Variants in KCNH2 observed in about 807,000 individuals in gnomAD.
The protein encoded by KCNH2 is voltage-gated inwardly rectifying potassium channel KCNH2.
Under a neutral mutation model 95.9 loss-of-function variants are expected in KCNH2, and 35 were observed. That is an observed-to-expected ratio of 0.37 (90% CI 0.28 to 0.48). The LOEUF (loss-of-function observed/expected upper bound fraction) is 0.48. Ranked by LOEUF, KCNH2 falls within the 20% of genes least tolerant of loss-of-function variation. The pLI, the probability that KCNH2 is intolerant of heterozygous loss-of-function variation, is 0.99. For synonymous variants in KCNH2, 786 were observed against 754.7 expected, an observed-to-expected ratio of 1.04 and a Z score of -0.68; for missense variants, 1,274 against 1,702.9, an observed-to-expected ratio of 0.75 and a Z score of 4.43.
Position 150,947,346 on chromosome 7 carries a change from A to G in KCNH2, c.3134T>C (p.Leu1045Pro). ...RGDVESRLDA[L>P]QRQLNRLETR... is the part of the protein sequence containing the mutation. ...CCCTCACCTGTTGAGCTGGCGCTGG[A>G]GGGCATCCAGCCTGCTCTCCACGTC... The change falls in exon 13 of 15, where the codon CTC becomes CCC. Residue 1045 changes from leucine to proline, a missense_variant. Transcript: ENST00000262186. 6.5e-7 allele frequency: 1 copy of G among 1,542,888 alleles called. No homozygotes were observed. The highest frequency in any genetic ancestry group is 8.7e-7 in the Non-Finnish European group (1 of 1,146,580).
At position 150,945,145 on chromosome 7, in the gene KCNH2, G is replaced by A; in HGVS notation, c.*220C>T. ...AGCTAATGCCCTCAGGGCAGTGGGGGGACCACAGGCCCCACCTACTGCCGG... is the reference window on the plus strand; with the variant it reads ...AGCTAATGCCCTCAGGGCAGTGGGGAGACCACAGGCCCCACCTACTGCCGG... On this transcript the variant is annotated 3_prime_UTR_variant, in exon 15 of 15. Transcript: ENST00000262186. This position sits in a 1 kb window ranked among gnomAD's most constrained non-coding sequence, Gnocchi z 5.6. 1.7e-6 allele frequency: 1 copy of A among 595,262 alleles called. No individual in the cohort carries two copies. The allele number at this position is 595,262 out of a possible 1,614,324, so 36.9% of individuals were successfully genotyped here. A position where few individuals can be genotyped will look rare whatever the true frequency, so the allele number is the denominator to read the frequency against.
chr7:150,947,797 C>T lies in KCNH2; in HGVS notation c.2774G>A (p.Gly925Glu), dbSNP rs794728398. 9.8e-6 allele frequency: 15 copies of T among 1,532,872 alleles called. No individual in the cohort carries two copies. The highest frequency in any genetic ancestry group is 2.5e-5 in the East Asian group (1 of 40,800). 95.0% of individuals were successfully genotyped at this position (1,532,872 alleles called of 1,614,324 possible). The change falls in exon 12 of 15, where the codon GGG becomes GAG. Residue 925 changes from glycine (G) to glutamate (E), a missense_variant. Coordinates refer to ENST00000262186, the MANE Select transcript of KCNH2 (RefSeq NM_000238.4). ...AGPSSRGRPG[G>E]PWGESPSSGP... Reference sequence around the variant, plus strand: ...ACTGGACGGGCTCTCCCCCCACGGCCCCCCCGGCCGGCCCCGGCTACTCGG... The same window carrying T: ...ACTGGACGGGCTCTCCCCCCACGGCTCCCCCGGCCGGCCCCGGCTACTCGG...
chr7:150,948,419 C>CCCCAACCA, intron 11 of KCNH2, 25 bp downstream of exon 11: 1 of 1,297,842 alleles, frequency 7.7e-7, no homozygotes, highest in Non-Finnish European at 1.1e-6. Flanking sequence ...CCCGCCCTCC[C>CCCCAACCA]CCTTCCTCCC....
At chr7:150,968,252 C>G (rs573882285) in intron 2 of KCNH2, among the ~76,000 whole-genome samples, 1 of 152,160 alleles carries the variant, frequency 6.6e-6, no homozygotes, top group Non-Finnish European at 1.5e-5. Context: ...CACTCCCGGG[C>G]GTGTATCCCA....
At chr7:150,976,427 A>C (rs1312702165) in intron 1 of KCNH2, among the ~76,000 whole-genome samples, 1 of 152,120 alleles carries the variant, frequency 6.6e-6, no homozygotes, top group Non-Finnish European at 1.5e-5. Flanking sequence ...TCACCTGAAA[A>C]GACCCCCTAA....
intron 2 of KCNH2, among the ~76,000 whole-genome samples, chr7:150,965,076 G>A (rs1028407483): frequency 1.3e-5 from 2 of 151,958 alleles, no homozygotes; most frequent in South Asian, 2.1e-4. Flanking sequence ...GCGCGTGTGT[G>A]TGTGTGTGCT....
chr7:150,950,979 C>A lies in KCNH2; in HGVS notation c.2087G>T (p.Arg696Leu). Residue 696 changes from arginine (R) to leucine (L), a missense_variant, in exon 8 of 15, where the codon CGC becomes CTC. Physicochemically the swap from Arg to Leu is moderately radical, Grantham distance 102. Transcript: ENST00000262186. ...FHQIPNPLRQ[R>L]LEEYFQHAWS... ...GGCGTGCTGGAAGTACTCCTCGAGGCGCTGGCGCAGGGGATTGGGGATCTG... is the reference window on the plus strand; with the variant it reads ...GGCGTGCTGGAAGTACTCCTCGAGGAGCTGGCGCAGGGGATTGGGGATCTG... 1.2e-6 allele frequency: 2 copies of A among 1,614,238 alleles called. No homozygotes were observed. The highest frequency in any genetic ancestry group is 1.7e-6 in the Non-Finnish European group (2 of 1,180,040).
Position 150,952,590 on chromosome 7 carries a change from A to G in KCNH2, c.1392T>C (p.Ile464=), listed in dbSNP as rs1801219615. Reference sequence around the variant, plus strand: ...TGCGGAAGTTGATGAGGATGTCCACAATGAACATGATGTCCACGATGAGGT... The same window carrying G: ...TGCGGAAGTTGATGAGGATGTCCACGATGAACATGATGTCCACGATGAGGT... ...VVDLIVDIMF[I]VDILINFRTT... is the part of the protein sequence containing the mutation. The change falls in exon 6 of 15, where the codon ATT becomes ATC. Residue 464 remains isoleucine, a synonymous_variant. Transcript: ENST00000262186. This position sits in a 1 kb window ranked among gnomAD's most constrained non-coding sequence, Gnocchi z 7.3. The G allele has an allele frequency of 3.1e-6, 5 of 1,614,170 alleles. No homozygotes were observed. In the East Asian group the frequency reaches 1.1e-4, roughly 36 times the overall value.
intron 5 of KCNH2, among the ~76,000 whole-genome samples, chr7:150,954,637 G>A (rs1166271306): frequency 2.0e-5 from 3 of 152,228 alleles, no homozygotes; most frequent in Non-Finnish European, 2.9e-5. Flanking sequence ...AGACCTACCT[G>A]TACCTGTCCC....
Position 150,952,940 on chromosome 7 carries a change from A to C in KCNH2, c.1129-87T>G. ...GATGACATCTCTGCCGGGGCCAAGC[A>C]GAATGAGGAGGAGGCCAAAAAAAGC... On this transcript the variant is annotated intron_variant, in intron 5 of 14. Coordinates refer to ENST00000262186, the MANE Select transcript of KCNH2 (RefSeq NM_000238.4). This position sits in a 1 kb window ranked among gnomAD's most constrained non-coding sequence, Gnocchi z 7.3. 1.5e-6 allele frequency: 2 copies of C among 1,334,702 alleles called. No homozygotes were observed. The highest frequency in any genetic ancestry group is 1.2e-5 in the South Asian group (1 of 80,268). The allele number at this position is 1,334,702 out of a possible 1,614,324, so 82.7% of individuals were successfully genotyped here. A position where few individuals can be genotyped will look rare whatever the true frequency, so the allele number is the denominator to read the frequency against.
chr7:150,963,601 A>T (rs1372393785), intron 2 of KCNH2, among the ~76,000 whole-genome samples: 1 of 11,514 alleles, frequency 8.7e-5, no homozygotes, highest in African/African-American at 3.7e-4. Flanking sequence ...CCCCGACCCC[A>T]CTCCCACCCC....
intron 2 of KCNH2, among the ~76,000 whole-genome samples, chr7:150,973,904 G>A (rs3778870): frequency 0.061 from 9,364 of 152,284 alleles, 302 homozygotes; most frequent in East Asian, 0.1. Flanking sequence ...GTTTGCACGC[G>A]TTCCAGAGCC....
chr7:150,962,579 C>T lies in KCNH2; in HGVS notation c.308-2843G>A, dbSNP rs1490042507. Among the ~76,000 whole-genome samples, 4 of 151,402 alleles carry T rather than the reference C, an allele frequency of 2.6e-5. No individual in the cohort carries two copies. Among genetic ancestry groups the T allele is most frequent in the Non-Finnish European group, 5.9e-5 (4 of 67,884 alleles). On this transcript the variant is annotated intron_variant, in intron 2 of 14. Coordinates refer to ENST00000262186, the MANE Select transcript of KCNH2 (RefSeq NM_000238.4). This position sits in a 1 kb window ranked among gnomAD's most constrained non-coding sequence, Gnocchi z 5.7. Reference sequence around the variant, plus strand: ...TCGCAGAAACTCTAGGTATACGCCACCTCACAGCACAAGCCTGTAACTCAC... The same window carrying T: ...TCGCAGAAACTCTAGGTATACGCCATCTCACAGCACAAGCCTGTAACTCAC...
rs1325203136 is a variant in KCNH2, at chr7:150,947,611, A to G, written c.2960T>C (p.Leu987Pro). 1 of 1,612,666 alleles carries G rather than the reference A, an allele frequency of 6.2e-7. No homozygotes were observed. The highest frequency in any genetic ancestry group is 1.1e-5 in the South Asian group (1 of 90,820). ...CEKSSDTCNP[L>P]SGAFSGVSNI... ...CCGCCCGTCGCCCGGGATACCTGAC[A>G]GGGGGTTGCAAGTGTCGCTGCTCTT... The change falls in exon 12 of 15, where the codon CTG becomes CCG. Residue 987 changes from leucine (L) to proline (P), a missense_variant. This residue lies in a region of KCNH2 where 457 missense variants were observed against 416.1 expected (regional missense o/e 1.10). Transcript: ENST00000262186.
intron 5 of KCNH2, among the ~76,000 whole-genome samples, chr7:150,956,644 G>A (rs559743876): frequency 6.6e-6 from 1 of 152,244 alleles, no homozygotes; most frequent in African/African-American, 2.4e-5. Flanking sequence ...AGGCTGAGGG[G>A]TCTTCTCTGG....
At chr7:150,973,756 C>T (rs2056653722) in intron 2 of KCNH2, among the ~76,000 whole-genome samples, 1 of 152,198 alleles carries the variant, frequency 6.6e-6, no homozygotes, top group Non-Finnish European at 1.5e-5. Context: ...GAAAGCAGAG[C>T]GTGCTCACTG....
Position 150,957,446 on chromosome 7 carries a change from C to T in KCNH2, c.973G>A (p.Val325Met), listed in dbSNP as rs149381387. 1.2e-6 allele frequency: 2 copies of T among 1,614,188 alleles called. No individual in the cohort carries two copies. Among genetic ancestry groups the T allele is most frequent in the South Asian group, 1.1e-5 (1 of 91,086 alleles). ...ATCTTGCTAATGGTGCGGTAGCGCA[C>T]GAGGTCGGAGTCCGAGGTGGAGTTG... ...LLNSTSDSDL[V>M]RYRTISKIPQ... is the part of the protein sequence containing the mutation. Residue 325 changes from valine (V) to methionine (M), a missense_variant, in exon 5 of 15, where the codon GTG becomes ATG. By Grantham distance (21) the Val-to-Met change is conservative (BLOSUM62 1). Transcript: ENST00000262186.
rs905755346 is a variant in KCNH2, at chr7:150,955,785, G to A, written c.1128+1506C>T. 15 of 1,188,996 alleles carry A rather than the reference G, an allele frequency of 1.3e-5. No individual in the cohort carries two copies. In the African/African-American group the frequency reaches 2.4e-4, roughly 19 times the overall value. The allele number at this position is 1,188,996 out of a possible 1,614,324, so 73.7% of individuals were successfully genotyped here. ...GGTGCCGTGCTCTGCCCGCCCGCCAGCCCAGCAGCGGCCGCACTCGGAACC... is the reference window on the plus strand; with the variant it reads ...GGTGCCGTGCTCTGCCCGCCCGCCAACCCAGCAGCGGCCGCACTCGGAACC... On this transcript the variant is annotated intron_variant, in intron 5 of 14. Coordinates refer to ENST00000262186, the MANE Select transcript of KCNH2 (RefSeq NM_000238.4).
At chr7:150,977,717 C>T (rs903548313) in intron 1 of KCNH2, 121 bp downstream of exon 1, 7 of 795,736 alleles carry the variant, frequency 8.8e-6, no homozygotes, top group East Asian at 6.3e-5. Context: ...TGGGGCCCAC[C>T]AGGCCCCATT....
Sources: gnomAD v4.1 joint callset for allele counts (sites outside exome capture counted in the v4.1 genomes callset) on GRCh38, gnomAD v4.1.1 for gene constraint, gnomAD v4.1.1 regional missense constraint, Gnocchi (gnomAD v3.1) non-coding constraint, MANE v1.5 for transcripts, NCBI Gene and HGNC (gene_info 2026-07-23, HGNC 2026-07-21) for gene names.